The following HAT1 variants were observed in gnomAD, a reference collection of about 807,000 sequenced individuals.
The protein encoded by HAT1 is histone acetyltransferase type B catalytic subunit.
In HAT1, 20 loss-of-function variants were observed where a neutral mutation model predicts 56.6. The ratio of observed to expected loss-of-function variants is 0.35; its 90% CI spans 0.25 to 0.51. HAT1 has a LOEUF of 0.51. Ranked by LOEUF, HAT1 falls within the 20% of genes least tolerant of loss-of-function variation. The pLI is 0.95. For synonymous variants in HAT1, 146 were observed against 165.5 expected, an observed-to-expected ratio of 0.88 and a Z score of 0.91; for missense variants, 408 against 504.3, an observed-to-expected ratio of 0.81 and a Z score of 1.83.
chr2:171,925,678 CTG>C (rs1397800416), intron 2 of HAT1, 37 bp downstream of exon 2: 8 of 853,218 alleles, frequency 9.4e-6, no homozygotes, highest in African/African-American at 6.6e-5. Context: ...TATGTACATA[CTG>C]TGTGTGTATA....
chr2:171,959,214 TAG>T (rs1236979348), intron 4 of HAT1, among the ~76,000 whole-genome samples: 2 of 152,198 alleles, frequency 1.3e-5, no homozygotes, highest in African/African-American at 2.4e-5. Context: ...TTTATTAAAA[TAG>T]AGTTTTTTCA....
chr2:171,961,097 G>A (rs1220959155), intron 4 of HAT1, among the ~76,000 whole-genome samples: 1 of 152,064 alleles, frequency 6.6e-6, no homozygotes, highest in South Asian at 2.1e-4. Context: ...AGCCGAGTTC[G>A]CGCCACTGTA....
Position 171,983,361 on chromosome 2 carries a change from C to T in HAT1, c.*9C>T, listed in dbSNP as rs1399954193. ...GACTTGCTCAAGAGTAAAGATTATA[C>T]TGCTCTGTACAGGAAGCTTGCAAAT... On this transcript the variant is annotated 3_prime_UTR_variant, in exon 11 of 11. Coordinates refer to ENST00000264108, the MANE Select transcript of HAT1 (RefSeq NM_003642.4). The T allele has an allele frequency of 1.3e-6, 2 of 1,551,662 alleles. No homozygotes were observed. The highest frequency in any genetic ancestry group is 1.2e-5 in the South Asian group (1 of 84,874).
intron 10 of HAT1, chr2:171,980,858 AAAAAAAAAAAAAATTT>A (rs1688113272): frequency 7.1e-6 from 1 of 140,602 alleles, no homozygotes; most frequent in African/African-American, 2.9e-5. Flanking sequence ...TCCATCTCAA[AAAAAAAAAAAAAATTT>A]AAAAAAAAAA....
At chr2:171,943,199 T>C (rs1687067411) in intron 2 of HAT1, among the ~76,000 whole-genome samples, 1 of 150,934 alleles carries the variant, frequency 6.6e-6, no homozygotes, top group African/African-American at 2.4e-5. Context: ...GTCAGGAGTT[T>C]GAAACCAGCC....
chr2:171,969,160 A>G (rs564939586), intron 8 of HAT1, among the ~76,000 whole-genome samples: 2 of 152,356 alleles, frequency 1.3e-5, no homozygotes, highest in South Asian at 4.1e-4. Flanking sequence ...AAATAGAATC[A>G]ATGATCTTGT....
intron 4 of HAT1, among the ~76,000 whole-genome samples, chr2:171,954,395 G>C (rs893477823): frequency 6.6e-6 from 1 of 152,092 alleles, no homozygotes; most frequent in Non-Finnish European, 1.5e-5. Context: ...AAGGTAAAGA[G>C]AGAGATGAGG....
intron 10 of HAT1, chr2:171,980,823 T>G (rs1357313105): frequency 7.5e-6 from 1 of 133,436 alleles, no homozygotes; most frequent in Non-Finnish European, 1.5e-5. Flanking sequence ...ACCACTGCAA[T>G]CCAGGCTGGG....
intron 4 of HAT1, among the ~76,000 whole-genome samples, chr2:171,960,085 TG>T (rs1055936480): frequency 2.0e-4 from 31 of 152,180 alleles, no homozygotes; most frequent in Middle Eastern, 3.2e-3. Context: ...TAAGAGTAGT[TG>T]GCATTCTTTA....
intron 3 of HAT1, among the ~76,000 whole-genome samples, chr2:171,947,100 T>C (rs1337938919): frequency 2.6e-5 from 4 of 152,190 alleles, no homozygotes; most frequent in Non-Finnish European, 5.9e-5. Context: ...TTAGGCAATC[T>C]GACTCCAGAG....
chr2:171,928,226 C>G (rs1219035470), intron 2 of HAT1, among the ~76,000 whole-genome samples: 1 of 152,164 alleles, frequency 6.6e-6, no homozygotes, highest in Non-Finnish European at 1.5e-5. Flanking sequence ...GGTGCTAAAG[C>G]CAAGATCTAG....
At chr2:171,945,716 T>G (rs1687146876) in intron 2 of HAT1, among the ~76,000 whole-genome samples, 1 of 152,138 alleles carries the variant, frequency 6.6e-6, no homozygotes. Context: ...TTGGCCAGGC[T>G]GCAGTGCAGT....
chr2:171,964,733 T>G (rs1687646017), intron 4 of HAT1: 1 of 152,204 alleles, frequency 6.6e-6, no homozygotes, highest in African/African-American at 2.4e-5. Flanking sequence ...CTTGTCTCTT[T>G]TTTACTGTCA....
chr2:171,974,173 CAAA>C (rs1183466393), intron 8 of HAT1, among the ~76,000 whole-genome samples: 7 of 45,572 alleles, frequency 1.5e-4, no homozygotes, highest in Admixed American at 1.2e-3. Flanking sequence ...GACCCTGTCT[CAAA>C]AAAAAAAAAA....
At chr2:171,957,366 C>G (rs1687472751) in intron 4 of HAT1, among the ~76,000 whole-genome samples, 1 of 152,220 alleles carries the variant, frequency 6.6e-6, no homozygotes, top group Non-Finnish European at 1.5e-5. Context: ...TGGCTCCTTT[C>G]TTCCTTCCAT....
chr2:171,925,791 T>C, intron 2 of HAT1, 150 bp downstream of exon 2: 1 of 526,548 alleles, frequency 1.9e-6, no homozygotes, highest in African/African-American at 1.9e-5. Flanking sequence ...TCAGATTTTA[T>C]TCAGTTTTGA....
intron 3 of HAT1, 69 bp from the exon 4 acceptor site, chr2:171,952,812 A>G (rs189232162): frequency 3.2e-6 from 3 of 949,702 alleles, no homozygotes; most frequent in East Asian, 2.8e-5. Flanking sequence ...AAACTTGTTT[A>G]TATGTAGGGT....
At chr2:171,982,806 A>G (rs1688165535) in intron 10 of HAT1, among the ~76,000 whole-genome samples, 1 of 152,196 alleles carries the variant, frequency 6.6e-6, no homozygotes, top group African/African-American at 2.4e-5. Flanking sequence ...GAATAGTAAA[A>G]TGAAGAATAA....
At position 171,980,562 on chromosome 2, in the gene HAT1, A is replaced by G. The variant is rs943844825; in HGVS notation, c.1092+1199A>G. The G allele has an allele frequency of 2.6e-5, 4 of 152,020 alleles. No homozygotes were observed. The East Asian group carries it at 7.7e-4, about 29-fold the overall frequency. 9.4% of individuals were successfully genotyped at this position (152,020 alleles called of 1,614,324 possible). The stretch of plus-strand genomic sequence containing the variant: ...TTTATGCCACCTTATGTGAATGAAA[A>G]TTTGCTATCTAGGCAAGGCGTGGTG... On this transcript the variant is annotated intron_variant, in intron 10 of 10. Transcript: ENST00000264108.
Sources: allele counts gnomAD v4.1 joint callset (sites outside exome capture counted in the v4.1 genomes callset), GRCh38; gene constraint gnomAD v4.1.1; transcripts MANE v1.5; gene names NCBI Gene and HGNC (gene_info 2026-07-23, HGNC 2026-07-21).